The following LARP1 variants were observed in gnomAD, a reference collection of about 807,000 sequenced individuals.
LARP1 encodes the protein la-related protein 1.
LARP1 carries 36 observed loss-of-function variants against 122.7 expected under a neutral mutation model. The observed-to-expected ratio is 0.29, with a 90% CI of 0.22 to 0.39. The LOEUF (loss-of-function observed/expected upper bound fraction) is 0.39. Among genes scored for constraint, LARP1 ranks in the 10% least tolerant of loss-of-function variants. The pLI, the probability that LARP1 is intolerant of heterozygous loss-of-function variation, is 1.00. For missense variants in LARP1, 1,040 were observed against 1,403.6 expected (o/e 0.74, Z 4.14); for synonymous variants, 539 against 528.7 (o/e 1.02, Z -0.27).
intron 1 of LARP1, among the ~76,000 whole-genome samples, chr5:154,776,145 A>T (rs895242714): frequency 1.3e-5 from 2 of 152,130 alleles, no homozygotes; most frequent in Non-Finnish European, 2.9e-5. Context: ...CCCAGTATCT[A>T]TTTTATTTTA....
chr5:154,800,255 G>C (rs1040819511), intron 10 of LARP1, among the ~76,000 whole-genome samples: 1 of 152,200 alleles, frequency 6.6e-6, no homozygotes, highest in Non-Finnish European at 1.5e-5. Flanking sequence ...CCTTTAGGGC[G>C]CCCTACTGTG....
chr5:154,728,321 C>T (rs957404010), intron 1 of LARP1, among the ~76,000 whole-genome samples: 5 of 152,194 alleles, frequency 3.3e-5, no homozygotes, highest in Non-Finnish European at 7.3e-5. Context: ...TGTACCCACA[C>T]TCCTTTGTAG....
At chr5:154,700,535 T>G (rs1465730375) in intron 1 of LARP1, among the ~76,000 whole-genome samples, 1 of 151,672 alleles carries the variant, frequency 6.6e-6, no homozygotes, top group African/African-American at 2.4e-5. Context: ...CTGTCTCAAA[T>G]GAAATAAAAT....
chr5:154,784,292 A>G (rs1289191662), intron 1 of LARP1, among the ~76,000 whole-genome samples: 1 of 152,200 alleles, frequency 6.6e-6, no homozygotes, highest in Non-Finnish European at 1.5e-5. Flanking sequence ...TAACCAGCCC[A>G]TTTAACATTT....
At chr5:154,684,213 C>T (rs367740616) in intron 1 of LARP1, among the ~76,000 whole-genome samples, 7 of 152,038 alleles carry the variant, frequency 4.6e-5, no homozygotes, top group African/African-American at 1.7e-4. Context: ...GAGGCCAAGG[C>T]AGGATAATTG....
intron 1 of LARP1, among the ~76,000 whole-genome samples, chr5:154,783,835 A>G (rs1756656667): frequency 6.6e-6 from 1 of 152,172 alleles, no homozygotes. Flanking sequence ...CTTTGGTGAG[A>G]AATCTCAGTG....
At chr5:154,774,821 C>G (rs1042243187) in intron 1 of LARP1, among the ~76,000 whole-genome samples, 10 of 152,174 alleles carry the variant, frequency 6.6e-5, no homozygotes, top group African/African-American at 2.4e-4. Context: ...CGTCTGGTCA[C>G]TTCTTTTACA....
At chr5:154,708,975 CTTG>C (rs1755083520), upstream of LARP1, among the ~76,000 whole-genome samples, 1 of 152,176 alleles carries the variant, frequency 6.6e-6, no homozygotes. Flanking sequence ...GCATTGTTGC[CTTG>C]TTGTCAACAT....
At chr5:154,786,335 C>G (rs1244991079) in intron 1 of LARP1, 5 of 381,336 alleles carry the variant, frequency 1.3e-5, no homozygotes, top group Non-Finnish European at 2.7e-5. Context: ...GCCACTGCAC[C>G]CGGCTGGTAT....
intron 1 of LARP1, among the ~76,000 whole-genome samples, chr5:154,732,600 G>A (rs1756654177): frequency 6.6e-6 from 1 of 152,162 alleles, no homozygotes; most frequent in Admixed American, 6.5e-5. Context: ...TGGACAGATT[G>A]CTCTTCAAGA....
rs767477221 is a variant in LARP1, at chr5:154,811,665, CTGCT to C, written c.3081+28_3081+31del. ...TGTAAGTGAAACTCTTTCTCTAACT[CTGCT>C]TGTCCTGGAAAGAAAACTGGACCAG... On this transcript the variant is annotated intron_variant, in intron 18 of 18. Coordinates refer to ENST00000518297, the MANE Select transcript of LARP1 (RefSeq NM_033551.3). The C allele has an allele frequency of 3.1e-6, 5 of 1,613,596 alleles. No homozygotes were observed. In the South Asian group the frequency reaches 5.5e-5, roughly 18 times the overall value.
intron 14 of LARP1, chr5:154,805,638 T>G: frequency 4.4e-6 from 2 of 449,856 alleles, no homozygotes; most frequent in Non-Finnish European, 7.9e-6. Context: ...TAAATAGTCT[T>G]ATGACCCTGG....
intron 1 of LARP1, among the ~76,000 whole-genome samples, chr5:154,766,886 C>G (rs918713351): frequency 6.6e-6 from 1 of 152,154 alleles, no homozygotes; most frequent in Non-Finnish European, 1.5e-5. Context: ...TTCCCTTCCT[C>G]CTTTCAGAGA....
chr5:154,685,413 C>G (rs1420956555), intron 1 of LARP1, among the ~76,000 whole-genome samples: 2 of 152,148 alleles, frequency 1.3e-5, no homozygotes, highest in Non-Finnish European at 2.9e-5. Flanking sequence ...AGAGGCCTTG[C>G]ACATGCTGTT....
At chr5:154,719,855 CTG>C (rs1206173240) in intron 1 of LARP1, among the ~76,000 whole-genome samples, 1 of 111,338 alleles carries the variant, frequency 9.0e-6, no homozygotes, top group African/African-American at 4.1e-5. Context: ...AAGTGAGACT[CTG>C]TCTCAAAAAA....
At chr5:154,713,600 C>T (rs1755334258) in intron 1 of LARP1, among the ~76,000 whole-genome samples, 1 of 152,004 alleles carries the variant, frequency 6.6e-6, no homozygotes, top group African/African-American at 2.4e-5. Flanking sequence ...AGAAATAGAG[C>T]ATTTGTGAGT....
chr5:154,814,154 T>C lies in LARP1; in HGVS notation c.*58T>C. 1 of 1,547,342 alleles carries C rather than the reference T, an allele frequency of 6.5e-7. No homozygotes were observed. Among genetic ancestry groups the C allele is most frequent in the Non-Finnish European group, 8.9e-7 (1 of 1,129,188 alleles). On this transcript the variant is annotated 3_prime_UTR_variant, in exon 19 of 19. Coordinates refer to ENST00000518297, the MANE Select transcript of LARP1 (RefSeq NM_033551.3). ...AAGGGGTAGGGTGGGTAAGAGTCCATGGGGGTGCCCAGTCCCAGGAAAGGG... is the reference window on the plus strand; with the variant it reads ...AAGGGGTAGGGTGGGTAAGAGTCCACGGGGGTGCCCAGTCCCAGGAAAGGG...
intron 1 of LARP1, among the ~76,000 whole-genome samples, chr5:154,688,225 C>T (rs746087884): frequency 6.6e-6 from 1 of 152,162 alleles, no homozygotes; most frequent in African/African-American, 2.4e-5. Flanking sequence ...CCTGCAGTCT[C>T]ATCCGGGGAG....
At chr5:154,787,123 C>T (rs997089118) in intron 1 of LARP1, among the ~76,000 whole-genome samples, 2 of 152,194 alleles carry the variant, frequency 1.3e-5, no homozygotes, top group Non-Finnish European at 2.9e-5. Flanking sequence ...AGGTGATCCA[C>T]CCACCTCGGC....
Sources: gnomAD v4.1 joint callset for allele counts (sites outside exome capture counted in the v4.1 genomes callset) on GRCh38, gnomAD v4.1.1 for gene constraint, MANE v1.5 for transcripts, NCBI Gene and HGNC (gene_info 2026-07-23, HGNC 2026-07-21) for gene names.